PPP6R2: variants seen among roughly 807,000 people sequenced by gnomAD.
PPP6R2 encodes protein phosphatase 6 regulatory subunit 2.
In PPP6R2, 62 loss-of-function variants were observed where a neutral mutation model predicts 100.2. That is an observed-to-expected ratio of 0.62 (90% CI 0.50 to 0.76). The LOEUF (loss-of-function observed/expected upper bound fraction) is 0.76. Among genes scored for constraint, PPP6R2 ranks in the 30% least tolerant of loss-of-function variants. The probability of loss-of-function intolerance (pLI) is 0.00; values close to 1 mark genes in which losing one functional copy is unlikely to be tolerated. For synonymous variants in PPP6R2, 525 were observed against 514.7 expected (o/e 1.02, Z -0.27); for missense variants, 1,142 against 1,276.3 (o/e 0.89, Z 1.60).
upstream of PPP6R2, among the ~76,000 whole-genome samples, chr22:50,338,368 T>C (rs1423593797): frequency 7.1e-6 from 1 of 141,514 alleles, no homozygotes; most frequent in African/African-American, 2.7e-5. Flanking sequence ...GTGTGTGGTG[T>C]GTGTATGGTA....
chr22:50,338,952 TG>T, upstream of PPP6R2, among the ~76,000 whole-genome samples: 1 of 120,872 alleles, frequency 8.3e-6, no homozygotes, highest in African/African-American at 3.3e-5. Flanking sequence ...GTGTAGGGTG[TG>T]GTGGGTGTGT....
chr22:50,377,373 C>T (rs758024149), intron 2 of PPP6R2, among the ~76,000 whole-genome samples: 6 of 151,618 alleles, frequency 4.0e-5, no homozygotes, highest in Non-Finnish European at 5.9e-5. Flanking sequence ...GAAGATCACT[C>T]GAGCCCAGGA....
At chr22:50,377,855 A>C (rs867866266) in intron 2 of PPP6R2, among the ~76,000 whole-genome samples, 2 of 152,190 alleles carry the variant, frequency 1.3e-5, no homozygotes, top group Middle Eastern at 6.8e-3. Context: ...AAAAACACAA[A>C]AAGTAGCTCA....
At chr22:50,369,637 C>T (rs2049553886) in intron 1 of PPP6R2, among the ~76,000 whole-genome samples, 1 of 152,108 alleles carries the variant, frequency 6.6e-6, no homozygotes, top group African/African-American at 2.4e-5. Context: ...CCTCAGCCTC[C>T]TGAGTATCTG....
the PPP6R2 span, among the ~76,000 whole-genome samples, chr22:50,337,949 ATGTGTGTGG>A: frequency 4.8e-5 from 3 of 61,860 alleles, no homozygotes; most frequent in Non-Finnish European, 9.6e-5. Flanking sequence ...TGTGTGTGTG[ATGTGTGTGG>A]TGTGTGTGGG....
At chr22:50,395,310 G>A (rs923464150) in intron 3 of PPP6R2, among the ~76,000 whole-genome samples, 1 of 152,206 alleles carries the variant, frequency 6.6e-6, no homozygotes, top group African/African-American at 2.4e-5. Flanking sequence ...AGTGTGGCGA[G>A]ATGGCTGGAG....
chr22:50,421,628 G>T (rs913786637), intron 8 of PPP6R2, among the ~76,000 whole-genome samples: 2 of 152,054 alleles, frequency 1.3e-5, no homozygotes, highest in African/African-American at 4.8e-5. Context: ...AACACCACAG[G>T]GGGTAGGCGC....
intron 1 of PPP6R2, among the ~76,000 whole-genome samples, chr22:50,364,134 T>A (rs2048306837): frequency 6.6e-6 from 1 of 152,020 alleles, no homozygotes; most frequent in Non-Finnish European, 1.5e-5. Flanking sequence ...TGACCTCAGG[T>A]GATCTGCCCA....
Position 50,355,910 on chromosome 22 carries a change from ATTGTAT to A in PPP6R2, c.-148+12361_-148+12366del, listed in dbSNP as rs1209218049. ...TTAAAAAGTGTACACATAACACATA[ATTGTAT>A]ATATTTATGGGGTACATAGTGATGT... is the stretch of plus-strand genomic sequence containing the variant. On this transcript the variant is annotated intron_variant, in intron 1 of 23. Transcript: ENST00000612753. Among the ~76,000 whole-genome samples the A allele has an allele frequency of 2.6e-5, 4 of 151,478 alleles. No individual in the cohort carries two copies. In the East Asian group the frequency reaches 7.8e-4, roughly 29 times the overall value.
intron 6 of PPP6R2, 21 bp downstream of exon 6, chr22:50,416,178 G>A (rs745509615): frequency 4.4e-6 from 7 of 1,607,046 alleles, no homozygotes; most frequent in African/African-American, 1.3e-5. Context: ...TGCTTACCGA[G>A]CTTCGTGCAT....
intron 2 of PPP6R2, among the ~76,000 whole-genome samples, chr22:50,379,884 C>T (rs2052492554): frequency 6.6e-6 from 1 of 152,072 alleles, no homozygotes; most frequent in South Asian, 2.1e-4. Context: ...TCCAAAAAAC[C>T]CCACTAATTG....
At chr22:50,408,709 C>G (rs2059335365) in intron 4 of PPP6R2, among the ~76,000 whole-genome samples, 1 of 152,240 alleles carries the variant, frequency 6.6e-6, no homozygotes, top group Non-Finnish European at 1.5e-5. Flanking sequence ...TCTTATTCCC[C>G]TGCCACTTTC....
rs56718175 is a variant in PPP6R2, at chr22:50,398,328, C to A, written c.227+4193C>A. Among the ~76,000 whole-genome samples the A allele has an allele frequency of 1.8e-4, 28 of 151,386 alleles. No individual in the cohort carries two copies. In the South Asian group the frequency reaches 2.3e-3, roughly 12 times the overall value. ...CTGGGATTACAGACATGCATCACCACACCCAGCTAATTTTTTGTATTTTTA... is the reference window on the plus strand; with the variant it reads ...CTGGGATTACAGACATGCATCACCAAACCCAGCTAATTTTTTGTATTTTTA... On this transcript the variant is annotated intron_variant, in intron 3 of 23. Transcript: ENST00000612753.
chr22:50,396,007 C>T lies in PPP6R2; in HGVS notation c.227+1872C>T, dbSNP rs551445436. Among the ~76,000 whole-genome samples the T allele has an allele frequency of 1.3e-4, 19 of 149,404 alleles. No individual in the cohort carries two copies. The South Asian group carries it at 3.9e-3, about 30-fold the overall frequency. On this transcript the variant is annotated intron_variant, in intron 3 of 23. Transcript: ENST00000612753. ...GTCAGGAGTTCGAAACCAGCCTGGC[C>T]AACATGGTGAAACCCCGTCTCTAAT...
intron 2 of PPP6R2, among the ~76,000 whole-genome samples, chr22:50,377,098 A>G (rs2051767536): frequency 6.6e-6 from 1 of 152,218 alleles, no homozygotes; most frequent in South Asian, 2.1e-4. Context: ...GTAAAAGGTG[A>G]TATAGAATAT....
intron 21 of PPP6R2, among the ~76,000 whole-genome samples, chr22:50,440,548 C>T (rs538190882): frequency 1.6e-3 from 245 of 152,312 alleles, no homozygotes; most frequent in African/African-American, 5.1e-3. Context: ...CCACACGAGG[C>T]GGAGTGGGCC....
chr22:50,353,972 G>A (rs1003671331), intron 1 of PPP6R2, among the ~76,000 whole-genome samples: 4 of 152,124 alleles, frequency 2.6e-5, no homozygotes, highest in African/African-American at 9.7e-5. Context: ...AGGCATTTGT[G>A]TGTTCTTGTT....
Position 50,431,478 on chromosome 22 carries a change from G to A in PPP6R2, c.1335+96G>A. Reference sequence around the variant, plus strand: ...GACGTGTGCCGGACCTCACTGTGCAGCTGACACGGGGGCAGGGCTTTGAAA... The same window carrying A: ...GACGTGTGCCGGACCTCACTGTGCAACTGACACGGGGGCAGGGCTTTGAAA... On this transcript the variant is annotated intron_variant, in intron 11 of 23. Coordinates refer to ENST00000612753, the MANE Select transcript of PPP6R2 (RefSeq NM_001242898.2). The surrounding 1 kb of genome is among the most constrained non-coding windows in gnomAD (Gnocchi z 4.8). 1 of 1,138,920 alleles carries A rather than the reference G, an allele frequency of 8.8e-7. No individual in the cohort carries two copies. The highest frequency in any genetic ancestry group is 1.2e-6 in the Non-Finnish European group (1 of 800,264). 70.6% of individuals were successfully genotyped at this position (1,138,920 alleles called of 1,614,324 possible).
At position 50,381,502 on chromosome 22, in the gene PPP6R2, G is replaced by A. The variant is rs148743123; in HGVS notation, c.-17+9352G>A. Reference sequence around the variant, plus strand: ...CACACGGGCCCCACCTCAGCATGAGGCATCCCAGTTTAACATCAGGCTTGG... The same window carrying A: ...CACACGGGCCCCACCTCAGCATGAGACATCCCAGTTTAACATCAGGCTTGG... On this transcript the variant is annotated intron_variant, in intron 2 of 23. Coordinates refer to ENST00000612753, the MANE Select transcript of PPP6R2 (RefSeq NM_001242898.2). Among the ~76,000 whole-genome samples, 246 of 151,556 alleles carry A rather than the reference G, an allele frequency of 1.6e-3. 5 individuals carry two copies. The East Asian group carries it at 0.024, about 15-fold the overall frequency.
Sources: allele counts gnomAD v4.1 joint callset (sites outside exome capture counted in the v4.1 genomes callset), GRCh38; gene constraint gnomAD v4.1.1; non-coding constraint Gnocchi (gnomAD v3.1); transcripts MANE v1.5; gene names NCBI Gene and HGNC (gene_info 2026-07-23, HGNC 2026-07-21).